Variants in DOCK7 observed in about 807,000 individuals in gnomAD.
DOCK7 encodes dedicator of cytokinesis protein 7.
In DOCK7, 138 loss-of-function variants were observed where a neutral mutation model predicts 271.0. The ratio of observed to expected loss-of-function variants is 0.51; its 90% CI spans 0.44 to 0.59. The LOEUF is 0.59. DOCK7 is among the 20% of genes least tolerant of loss of function. The pLI is 0.00. For missense variants in DOCK7, 2,066 were observed against 2,592.4 expected (o/e 0.80, Z 4.41); for synonymous variants, 823 against 876.1 (o/e 0.94, Z 1.07).
At chr1:62,465,800 T>C (rs1469826276) in intron 48 of DOCK7, among the ~76,000 whole-genome samples, 1 of 152,236 alleles carries the variant, frequency 6.6e-6, no homozygotes, top group Non-Finnish European at 1.5e-5. Context: ...TCCACCTGTC[T>C]TGGCCTCCCA....
At chr1:62,592,759 A>T (rs1648645218) in intron 14 of DOCK7, among the ~76,000 whole-genome samples, 1 of 152,130 alleles carries the variant, frequency 6.6e-6, no homozygotes, top group African/African-American at 2.4e-5. Context: ...TTTTTCATTA[A>T]AAGCATTTGT....
chr1:62,551,023 A>G (rs1324149278), intron 22 of DOCK7, among the ~76,000 whole-genome samples: 3 of 152,110 alleles, frequency 2.0e-5, no homozygotes, highest in Non-Finnish European at 4.4e-5. Flanking sequence ...ACCCAGCCTG[A>G]TGGGAATAAT....
chr1:62,651,868 T>G (rs1285952726), intron 4 of DOCK7, among the ~76,000 whole-genome samples: 1 of 152,220 alleles, frequency 6.6e-6, no homozygotes, highest in Non-Finnish European at 1.5e-5. Flanking sequence ...CTATCTTAAT[T>G]TTTTAATTTG....
At chr1:62,590,757 C>G (rs912523390) in intron 14 of DOCK7, among the ~76,000 whole-genome samples, 1 of 152,122 alleles carries the variant, frequency 6.6e-6, no homozygotes, top group Non-Finnish European at 1.5e-5. Flanking sequence ...CATCACTGAT[C>G]ATGAGAGAAA....
rs1656919831 is a variant in DOCK7, at chr1:62,648,281, G to T, written c.557C>A (p.Thr186Asn). ...ACTACAGGCCCAGCTACCCCTTGGG[G>T]TATCATCTATTGACATTGAACGTCT... ...LKRRSMSIDD[T>N]PRGSWACSIF... Residue 186 changes from threonine (T) to asparagine (N), a missense_variant, in exon 6 of 50, where the codon ACC (threonine) becomes AAC (asparagine). Transcript: ENST00000635253. 1.2e-6 allele frequency: 2 copies of T among 1,613,386 alleles called. No individual in the cohort carries two copies. Among genetic ancestry groups the T allele is most frequent in the South Asian group, 2.2e-5 (2 of 91,018 alleles).
At chr1:62,630,393 G>A (rs2149619484) in intron 11 of DOCK7, among the ~76,000 whole-genome samples, 1 of 152,168 alleles carries the variant, frequency 6.6e-6, no homozygotes, top group Non-Finnish European at 1.5e-5. Flanking sequence ...TCATTCTCTG[G>A]CTCCCCATCT....
chr1:62,594,037 G>A (rs536274596), intron 14 of DOCK7, among the ~76,000 whole-genome samples: 26 of 152,208 alleles, frequency 1.7e-4, no homozygotes, highest in African/African-American at 6.0e-4. Context: ...CTGTAGCTAA[G>A]AAATTTTTAT....
At position 62,584,466 on chromosome 1, in the gene DOCK7, T is replaced by C. The variant is rs568394798; in HGVS notation, c.1801-1212A>G. 1.5e-5 allele frequency: 15 copies of C among 1,032,884 alleles called. No individual in the cohort carries two copies. In the South Asian group the frequency reaches 4.0e-4, roughly 27 times the overall value. 64.0% of individuals were successfully genotyped at this position (1,032,884 alleles called of 1,614,324 possible). ...TTTATATACTCTTTCAAATCAGCCA[T>C]TTCATACATAAAAACATTGTATTTT... On this transcript the variant is annotated intron_variant, in intron 15 of 49. Coordinates refer to ENST00000635253, the MANE Select transcript of DOCK7 (RefSeq NM_001367561.1).
chr1:62,682,755 C>T (rs1000368921), intron 1 of DOCK7, among the ~76,000 whole-genome samples: 1 of 152,054 alleles, frequency 6.6e-6, no homozygotes, highest in Non-Finnish European at 1.5e-5. Flanking sequence ...GTTTGGTTGG[C>T]AGCTGAAAAT....
chr1:62,653,939 T>C, intron 3 of DOCK7, 45 bp downstream of exon 3: 2 of 1,584,896 alleles, frequency 1.3e-6, no homozygotes, highest in South Asian at 2.3e-5. Flanking sequence ...AAGGTAGCCT[T>C]TCTATAGTTC....
intron 7 of DOCK7, among the ~76,000 whole-genome samples, chr1:62,642,835 T>C (rs1656202678): frequency 1.3e-5 from 2 of 152,350 alleles, no homozygotes; most frequent in South Asian, 4.1e-4. Flanking sequence ...ACACTAACAA[T>C]TTTTATCAGT....
At chr1:62,543,156 T>TA (rs5774609) in intron 24 of DOCK7, 84,260 of 152,676 alleles carry the variant, frequency 0.55, 24,543 homozygotes, top group Middle Eastern at 0.71. Context: ...AAGGTCTTTT[T>TA]AAAAAAAAAT....
At chr1:62,509,985 T>C (rs951777772) in intron 34 of DOCK7, among the ~76,000 whole-genome samples, 5 of 152,180 alleles carry the variant, frequency 3.3e-5, no homozygotes, top group African/African-American at 1.2e-4. Context: ...TATGGGCCAG[T>C]GAAGCTACTT....
In DOCK7 at chr1:62,618,604, CAA is replaced by C. The variant is rs1228458940; in HGVS notation, c.1682+100_1682+101del. ...TGCGGTAAGAGATAGAGTTAAGTAA[CAA>C]AACTACTTAAGATTTTTGGAGAGTT... is the stretch of plus-strand genomic sequence containing the variant. On this transcript the variant is annotated intron_variant, in intron 14 of 49. Transcript: ENST00000635253. The C allele has an allele frequency of 2.8e-6, 3 of 1,083,642 alleles. No individual in the cohort carries two copies. In the East Asian group the frequency reaches 7.9e-5, roughly 28 times the overall value. The allele number at this position is 1,083,642 out of a possible 1,614,324, so 67.1% of individuals were successfully genotyped here. A position where few individuals can be genotyped will look rare whatever the true frequency, so the allele number is the denominator to read the frequency against.
At chr1:62,504,593 T>C in intron 37 of DOCK7, 37 bp downstream of exon 37, 1 of 1,584,452 alleles carries the variant, frequency 6.3e-7, no homozygotes, top group Non-Finnish European at 8.6e-7. Context: ...TTATATTTCA[T>C]TATGAATACA....
intron 28 of DOCK7, among the ~76,000 whole-genome samples, chr1:62,536,763 C>T (rs891803170): frequency 6.6e-6 from 1 of 152,120 alleles, no homozygotes; most frequent in Non-Finnish European, 1.5e-5. Flanking sequence ...GATTAACTAA[C>T]TTTCACTTTA....
Position 62,625,392 on chromosome 1 carries a change from C to A in DOCK7, c.1292G>T (p.Gly431Val). ...EVEISTGERK[G>V]SWSERRNSSI... is the part of the protein sequence containing the mutation. ...AGAATTCCTCCTCTCTGACCAAGAC[C>A]CTTTTCGTTCTACAAAAGAATTAAA... Residue 431 changes from glycine (G) to valine (V), a missense_variant, in exon 12 of 50, where the codon GGG becomes GTG. Transcript: ENST00000635253. 1 of 1,589,646 alleles carries A rather than the reference C, an allele frequency of 6.3e-7. No individual in the cohort carries two copies. Among genetic ancestry groups the A allele is most frequent in the Non-Finnish European group, 8.5e-7 (1 of 1,170,810 alleles).
At chr1:62,607,937 C>G (rs1469940494) in intron 14 of DOCK7, 2 of 152,082 alleles carry the variant, frequency 1.3e-5, no homozygotes, top group Non-Finnish European at 2.9e-5. Context: ...CAAAAATTAG[C>G]TGGGTGTGGT....
intron 48 of DOCK7, 104 bp downstream of exon 48, chr1:62,473,878 C>T: frequency 1.2e-6 from 1 of 846,326 alleles, no homozygotes; most frequent in Non-Finnish European, 1.8e-6. Flanking sequence ...AGCCACTGTG[C>T]CTAGCCTATT....
Sources: allele counts gnomAD v4.1 joint callset (sites outside exome capture counted in the v4.1 genomes callset), GRCh38; gene constraint gnomAD v4.1.1; transcripts MANE v1.5; gene names NCBI Gene and HGNC (gene_info 2026-07-23, HGNC 2026-07-21).